Variants in CXCR6 observed in about 807,000 individuals in gnomAD.
CXCR6 encodes the protein C-X-C chemokine receptor type 6.
CXCR6 carries 3 observed loss-of-function variants against 1.6 expected under a neutral mutation model. The observed-to-expected ratio is 1.83, with a 90% CI of 0.83 to 4.72. The LOEUF (loss-of-function observed/expected upper bound fraction) is 4.72. CXCR6 is among the 30% of genes most tolerant of loss of function. The pLI, the probability that CXCR6 is intolerant of heterozygous loss-of-function variation, is 0.02. For missense variants in CXCR6, 326 were observed against 414.8 expected (o/e 0.79, Z 1.86); for synonymous variants, 171 against 159.2 (o/e 1.07, Z -0.56).
At chr3:45,946,229 G>GAGTTGT in intron 1 of CXCR6, 1 of 462,314 alleles carries the variant, frequency 2.2e-6, no homozygotes, top group African/African-American at 1.9e-5. Flanking sequence ...TTGTCTCCCA[G>GAGTTGT]ATGGGTGAGA....
chr3:45,946,954 T>C lies in CXCR6; in HGVS notation c.473T>C (p.Ile158Thr), dbSNP rs1248085877. 3 of 1,614,252 alleles carry C rather than the reference T, an allele frequency of 1.9e-6. No individual in the cohort carries two copies. The highest frequency in any genetic ancestry group is 2.2e-5 in the South Asian group (2 of 91,086). ...GKVTSLLIWVISLLVSLPQII... is the reference protein window; with the variant it reads ...GKVTSLLIWVTSLLVSLPQII... ...GTCACCAGCTTGCTCATCTGGGTGA[T>C]ATCCCTGCTGGTTTCCTTGCCCCAA... Residue 158 changes from isoleucine (I) to threonine (T), a missense_variant, in exon 2 of 2, where the codon ATA (isoleucine) becomes ACA (threonine). Ile to Thr is a moderately conservative substitution (Grantham distance 89). Transcript: ENST00000304552.
chr3:45,940,982 A>T (rs1402832998), upstream of CXCR6: 1 of 152,146 alleles, frequency 6.6e-6, no homozygotes, highest in Non-Finnish European at 1.5e-5. Flanking sequence ...CTTATAGAAC[A>T]ATTGTTCCTC....
chr3:45,946,898 C>G lies in CXCR6; in HGVS notation c.417C>G (p.Asn139Lys). 1 of 1,614,246 alleles carries G rather than the reference C, an allele frequency of 6.2e-7. No homozygotes were observed. Among genetic ancestry groups the G allele is most frequent in the African/African-American group, 1.3e-5 (1 of 75,064 alleles). ...IVVVKATKAY[N>K]QQAKRMTWGK... The stretch of plus-strand genomic sequence containing the variant: ...TGGTTAAGGCCACCAAGGCCTACAA[C>G]CAGCAAGCCAAGAGGATGACCTGGG... Residue 139 changes from asparagine (N) to lysine (K), a missense_variant, in exon 2 of 2, where the codon AAC becomes AAG. Asn to Lys is a moderately conservative substitution (Grantham distance 94, BLOSUM62 0). Transcript: ENST00000304552.
At chr3:45,946,301 T>C in intron 1 of CXCR6, 160 bp from the exon 2 acceptor site, 3 of 582,588 alleles carry the variant, frequency 5.1e-6, no homozygotes, top group Non-Finnish European at 9.1e-6. Flanking sequence ...CCCCTCAGAA[T>C]TGGTTATCTT....
At chr3:45,943,735 A>G (rs1462530726) in intron 1 of CXCR6, among the ~76,000 whole-genome samples, 195 bp downstream of exon 1, 1 of 152,162 alleles carries the variant, frequency 6.6e-6, no homozygotes, top group East Asian at 1.9e-4. Context: ...AAACATGAAA[A>G]CTACTGAACA....
Position 45,947,877 on chromosome 3 carries a change from C to A in CXCR6, c.*367C>A, listed in dbSNP as rs56408061. 6 of 242,028 alleles carry A rather than the reference C, an allele frequency of 2.5e-5. No homozygotes were observed. The highest frequency in any genetic ancestry group is 5.2e-5 in the Non-Finnish European group (6 of 114,982). 15.0% of individuals were successfully genotyped at this position (242,028 alleles called of 1,614,324 possible). A position where few individuals can be genotyped will look rare whatever the true frequency, so the allele number is the denominator to read the frequency against. On this transcript the variant is annotated 3_prime_UTR_variant, in exon 2 of 2. Coordinates refer to ENST00000304552, the MANE Select transcript of CXCR6 (RefSeq NM_006564.2). ...ACAAAGCTGTTGATGGTAGGTGGCA[C>A]ACTGGGTGCCCAAGCTCAGAAGGCT...
chr3:45,946,608 G>T lies in CXCR6; in HGVS notation c.127G>T (p.Val43Phe), dbSNP rs753227593. ...GCCCTGCATGTACCTGGTGGTGTTT[G>T]TCTGTGGTCTGGTGGGGAACTCTCT... ...FLPCMYLVVF[V>F]CGLVGNSLVL... Residue 43 changes from valine (V) to phenylalanine (F), a missense_variant, in exon 2 of 2, where the codon GTC (valine) becomes TTC (phenylalanine). Val to Phe is a conservative substitution (Grantham distance 50, BLOSUM62 -1). Transcript: ENST00000304552. 1.2e-5 allele frequency: 19 copies of T among 1,614,090 alleles called. No individual in the cohort carries two copies. In the East Asian group the frequency reaches 3.8e-4, roughly 32 times the overall value.
At chr3:45,942,532 A>G (rs1038945513), upstream of CXCR6, among the ~76,000 whole-genome samples, 1 of 152,196 alleles carries the variant, frequency 6.6e-6, no homozygotes, top group Non-Finnish European at 1.5e-5. Flanking sequence ...AAGGCAGGCC[A>G]GGCACCTCCA....
In CXCR6 at chr3:45,946,627, A is replaced by T; in HGVS notation, c.146A>T (p.Asn49Ile). 3 of 1,613,652 alleles carry T rather than the reference A, an allele frequency of 1.9e-6. No individual in the cohort carries two copies. The highest frequency in any genetic ancestry group is 2.5e-6 in the Non-Finnish European group (3 of 1,179,898). Residue 49 changes from asparagine to isoleucine, a missense_variant, in exon 2 of 2, where the codon AAC (asparagine) becomes ATC (isoleucine). Coordinates refer to ENST00000304552, the MANE Select transcript of CXCR6 (RefSeq NM_006564.2). Reference sequence around the variant, plus strand: ...GTGTTTGTCTGTGGTCTGGTGGGGAACTCTCTGGTGCTGGTCATATCCATC... The same window carrying T: ...GTGTTTGTCTGTGGTCTGGTGGGGATCTCTCTGGTGCTGGTCATATCCATC... ...LVVFVCGLVG[N>I]SLVLVISIFY...
In CXCR6 at chr3:45,947,145, G is replaced by A; in HGVS notation, c.664G>A (p.Gly222Arg). 2 of 1,614,172 alleles carry A rather than the reference G, an allele frequency of 1.2e-6. No homozygotes were observed. Among genetic ancestry groups the A allele is most frequent in the Admixed American group, 1.7e-5 (1 of 60,018 alleles). ...CATAATCAAAACACTGCTTCATGCT[G>A]GAGGCTTCCAGAAGCACAGATCTCT... is the stretch of plus-strand genomic sequence containing the variant. ...SVIIKTLLHA[G>R]GFQKHRSLKI... is the part of the protein sequence containing the mutation. The change falls in exon 2 of 2, where the codon GGA (glycine) becomes AGA (arginine). Residue 222 changes from glycine to arginine, a missense_variant. Transcript: ENST00000304552.
chr3:45,946,457 A>G lies in CXCR6; in HGVS notation c.-21-4A>G, dbSNP rs948668484. The G allele has an allele frequency of 6.3e-7, 1 of 1,589,658 alleles. No individual in the cohort carries two copies. Among genetic ancestry groups the G allele is most frequent in the Admixed American group, 1.7e-5 (1 of 59,174 alleles). On this transcript the variant is annotated splice_region_variant and splice_polypyrimidine_tract_variant and intron_variant, in intron 1 of 1. Coordinates refer to ENST00000304552, the MANE Select transcript of CXCR6 (RefSeq NM_006564.2). ...AAATATAATTCCTGGGTTCTGACTC[A>G]CAGGTGTTCATCAGAACAGACACCA...
Position 45,947,582 on chromosome 3 carries a change from C to T in CXCR6, c.*72C>T, listed in dbSNP as rs116917020. On this transcript the variant is annotated 3_prime_UTR_variant, in exon 2 of 2. Transcript: ENST00000304552. Reference sequence around the variant, plus strand: ...GCTGTGCCCTCTTGATGTGGTGAGGCAGGCTTTGTTTATAGCTTGCGCATT... The same window carrying T: ...GCTGTGCCCTCTTGATGTGGTGAGGTAGGCTTTGTTTATAGCTTGCGCATT... The T allele has an allele frequency of 2.6e-4, 318 of 1,228,434 alleles. 1 individual carries two copies. The East Asian group carries it at 7.3e-3, about 28-fold the overall frequency. 76.1% of individuals were successfully genotyped at this position (1,228,434 alleles called of 1,614,324 possible). A position where few individuals can be genotyped will look rare whatever the true frequency, so the allele number is the denominator to read the frequency against.
chr3:45,947,099 C>T lies in CXCR6; in HGVS notation c.618C>T (p.Thr206=), dbSNP rs748251240. The T allele has an allele frequency of 1.2e-6, 2 of 1,614,118 alleles. No homozygotes were observed. The highest frequency in any genetic ancestry group is 2.7e-5 in the African/African-American group (2 of 74,944). ...MTLGFFLPLL[T]MIVCYSVIIK... ...TGGGGTTCTTCTTGCCACTGCTCAC[C>T]ATGATTGTCTGCTATTCAGTCATAA... Residue 206 remains threonine (T), a synonymous_variant, in exon 2 of 2, where the codon ACC becomes ACT. Transcript: ENST00000304552.
At chr3:45,941,051 T>C (rs561771456), upstream of CXCR6, 16 of 152,348 alleles carry the variant, frequency 1.1e-4, no homozygotes, top group African/African-American at 3.9e-4. Context: ...TCTCAGCTCA[T>C]CCTGGTGACT....
At chr3:45,944,069 G>A (rs758276213) in intron 1 of CXCR6, among the ~76,000 whole-genome samples, 3 of 152,146 alleles carry the variant, frequency 2.0e-5, no homozygotes, top group Non-Finnish European at 4.4e-5. Context: ...CTAAAAGTAC[G>A]GTCAGTTAAA....
At chr3:45,942,354 G>C (rs1704279206), upstream of CXCR6, among the ~76,000 whole-genome samples, 1 of 152,216 alleles carries the variant, frequency 6.6e-6, no homozygotes, top group African/African-American at 2.4e-5. Flanking sequence ...GGCCAGGCTT[G>C]CGGTAGAAAT....
chr3:45,943,719 C>A (rs1359270895), intron 1 of CXCR6, among the ~76,000 whole-genome samples, 179 bp downstream of exon 1: 1 of 152,162 alleles, frequency 6.6e-6, no homozygotes, highest in Non-Finnish European at 1.5e-5. Context: ...GTGGGTTAAA[C>A]TGGAGAAACA....
chr3:45,947,086 T>C lies in CXCR6; in HGVS notation c.605T>C (p.Leu202Ser). 1 of 1,614,242 alleles carries C rather than the reference T, an allele frequency of 6.2e-7. No individual in the cohort carries two copies. Among genetic ancestry groups the C allele is most frequent in the Non-Finnish European group, 8.5e-7 (1 of 1,180,048 alleles). Residue 202 changes from leucine to serine, a missense_variant, in exon 2 of 2, where the codon TTG (leucine) becomes TCG (serine). Leu to Ser is a moderately radical substitution (Grantham distance 145). Transcript: ENST00000304552. ...ACCCAGATGACACTGGGGTTCTTCT[T>C]GCCACTGCTCACCATGATTGTCTGC... is the stretch of plus-strand genomic sequence containing the variant. The part of the protein sequence containing the change: ...LATQMTLGFF[L>S]PLLTMIVCYS...
At chr3:45,943,292 A>G (rs774583183), upstream of CXCR6, among the ~76,000 whole-genome samples, 2 of 152,152 alleles carry the variant, frequency 1.3e-5, no homozygotes, top group African/African-American at 2.4e-5. Context: ...ATCAGCCCCA[A>G]AGCAGAATGA....
Sources: gnomAD v4.1 joint callset for allele counts (sites outside exome capture counted in the v4.1 genomes callset) on GRCh38, gnomAD v4.1.1 for gene constraint, MANE v1.5 for transcripts, NCBI Gene and HGNC (gene_info 2026-07-23, HGNC 2026-07-21) for gene names.